The following RSPO2 variants were observed in gnomAD, a reference collection of about 807,000 sequenced individuals.
RSPO2 encodes R-spondin 2.
Under a neutral mutation model 30.9 loss-of-function variants are expected in RSPO2, and 14 were observed. That is an observed-to-expected ratio of 0.45 (90% confidence interval 0.30 to 0.71). The LOEUF (loss-of-function observed/expected upper bound fraction) is 0.71. Ranked by LOEUF, RSPO2 falls within the 30% of genes least tolerant of loss-of-function variation. RSPO2 has a pLI of 0.08. For missense variants in RSPO2, 264 were observed against 301.9 expected (o/e 0.87, Z 0.93); for synonymous variants, 107 against 96.4 (o/e 1.11, Z -0.64).
At chr8:108,031,288 A>G (rs558799443) in intron 2 of RSPO2, among the ~76,000 whole-genome samples, 14 of 152,358 alleles carry the variant, frequency 9.2e-5, no homozygotes, top group African/African-American at 2.6e-4. Flanking sequence ...GATCACCATT[A>G]CACGGTGCAG....
intron 2 of RSPO2, among the ~76,000 whole-genome samples, chr8:108,073,442 T>C (rs1039203024): frequency 1.3e-5 from 2 of 152,128 alleles, no homozygotes; most frequent in African/African-American, 4.8e-5. Flanking sequence ...AATTCTAAAA[T>C]GTGCTGACAC....
intron 2 of RSPO2, among the ~76,000 whole-genome samples, chr8:108,004,751 CAT>C (rs561772101): frequency 2.6e-5 from 4 of 152,224 alleles, no homozygotes; most frequent in African/African-American, 9.6e-5. Context: ...CAAATGTATA[CAT>C]ATGATTTTCT....
intron 4 of RSPO2, among the ~76,000 whole-genome samples, chr8:107,960,116 T>G (rs1314284511): frequency 6.6e-6 from 1 of 152,162 alleles, no homozygotes; most frequent in African/African-American, 2.4e-5. Flanking sequence ...AGATATAAAA[T>G]TTATAAAATG....
At chr8:108,081,027 C>T (rs1267761682) in intron 2 of RSPO2, among the ~76,000 whole-genome samples, 1 of 152,050 alleles carries the variant, frequency 6.6e-6, no homozygotes, top group Admixed American at 6.6e-5. Flanking sequence ...ACTCTCATGG[C>T]CTTTGGGAAG....
At chr8:108,025,904 G>C (rs1361375488) in intron 2 of RSPO2, among the ~76,000 whole-genome samples, 3 of 152,168 alleles carry the variant, frequency 2.0e-5, no homozygotes. Flanking sequence ...AATCATTACA[G>C]TAATAATTAT....
intron 5 of RSPO2, among the ~76,000 whole-genome samples, chr8:107,932,014 AC>A (rs1227177200): frequency 2.0e-5 from 3 of 152,184 alleles, no homozygotes; most frequent in Non-Finnish European, 4.4e-5. Context: ...TTTTTAAAAG[AC>A]TATCTCCAAA....
rs1473271955 is a variant in RSPO2, at chr8:107,899,409, C to T, written c.*1666G>A. On this transcript the variant is annotated 3_prime_UTR_variant, in exon 6 of 6. Coordinates refer to ENST00000276659, the MANE Select transcript of RSPO2 (RefSeq NM_178565.5). ...GAAGCACTATATAAGGAGACCCCCTCCCCACTTAGTAAATGGGAAAATAGT... is the reference window on the plus strand; with the variant it reads ...GAAGCACTATATAAGGAGACCCCCTTCCCACTTAGTAAATGGGAAAATAGT... The T allele has an allele frequency of 6.6e-6, 1 of 152,382 alleles. No individual in the cohort carries two copies. Among genetic ancestry groups the T allele is most frequent in the Admixed American group, 6.6e-5 (1 of 15,254 alleles). The allele number at this position is 152,382 out of a possible 1,614,324, so 9.4% of individuals were successfully genotyped here. A position where few individuals can be genotyped will look rare whatever the true frequency, so the allele number is the denominator to read the frequency against.
At chr8:108,075,642 C>T (rs1812986365) in intron 2 of RSPO2, among the ~76,000 whole-genome samples, 1 of 151,248 alleles carries the variant, frequency 6.6e-6, no homozygotes, top group Admixed American at 6.6e-5. Context: ...GAAGAGACTT[C>T]AGAATGAGTA....
At chr8:108,017,175 C>T (rs1285132185) in intron 2 of RSPO2, among the ~76,000 whole-genome samples, 1 of 151,974 alleles carries the variant, frequency 6.6e-6, no homozygotes, top group Non-Finnish European at 1.5e-5. Flanking sequence ...CACCACCACA[C>T]CCAGCTAATT....
Position 108,072,389 on chromosome 8 carries a change from G to A in RSPO2, c.94+10156C>T, listed in dbSNP as rs551855990. On this transcript the variant is annotated intron_variant, in intron 2 of 5. Coordinates refer to ENST00000276659, the MANE Select transcript of RSPO2 (RefSeq NM_178565.5). The stretch of plus-strand genomic sequence containing the variant: ...CACCCAGGCTGGAGTGCAGTGGTGC[G>A]ATCTCGGCCCACTGCAAACTCCGCC... Among the ~76,000 whole-genome samples, 4 of 141,644 alleles carry A rather than the reference G, an allele frequency of 2.8e-5. No homozygotes were observed. In the East Asian group the frequency reaches 8.4e-4, roughly 30 times the overall value. 92.9% of individuals were successfully genotyped at this position (141,644 alleles called of 152,430 possible). A position where few individuals can be genotyped will look rare whatever the true frequency, so the allele number is the denominator to read the frequency against.
intron 2 of RSPO2, among the ~76,000 whole-genome samples, chr8:108,011,464 T>G (rs1810710957): frequency 6.6e-6 from 1 of 152,244 alleles, no homozygotes; most frequent in Non-Finnish European, 1.5e-5. Context: ...TGAACTCATA[T>G]TGCTTTAATA....
chr8:107,942,796 G>A (rs1812940770), intron 5 of RSPO2, among the ~76,000 whole-genome samples: 1 of 152,140 alleles, frequency 6.6e-6, no homozygotes, highest in Non-Finnish European at 1.5e-5. Flanking sequence ...TAAAAAAAAG[G>A]TTGTTTCATA....
chr8:107,984,066 G>C (rs1304089494), intron 3 of RSPO2: 2 of 526,336 alleles, frequency 3.8e-6, no homozygotes, highest in Non-Finnish European at 6.7e-6. Context: ...GGGTCATCCC[G>C]GAAATGCTTC....
intron 2 of RSPO2, among the ~76,000 whole-genome samples, chr8:108,057,598 A>G (rs1281884580): frequency 1.3e-5 from 2 of 152,220 alleles, no homozygotes; most frequent in African/African-American, 4.8e-5. Flanking sequence ...CAAATTTTAA[A>G]AAGCAGGAGG....
chr8:107,924,163 A>G (rs1224554524), intron 5 of RSPO2, among the ~76,000 whole-genome samples: 1 of 152,094 alleles, frequency 6.6e-6, no homozygotes, highest in Admixed American at 6.6e-5. Flanking sequence ...TGAGGTTACT[A>G]CAAACAAACC....
intron 3 of RSPO2, among the ~76,000 whole-genome samples, chr8:107,971,703 G>A (rs1814005622): frequency 6.6e-6 from 1 of 152,170 alleles, no homozygotes; most frequent in African/African-American, 2.4e-5. Flanking sequence ...AGCTACAAGA[G>A]AACACTGTGA....
intron 2 of RSPO2, 183 bp from the exon 3 acceptor site, chr8:107,989,427 A>G (rs1814773199): frequency 1.9e-6 from 1 of 514,970 alleles, no homozygotes; most frequent in Non-Finnish European, 3.3e-6. Context: ...ATACACAACC[A>G]AACTTAGAAA....
intron 2 of RSPO2, among the ~76,000 whole-genome samples, chr8:108,062,445 GA>G (rs1812501559): frequency 6.6e-6 from 1 of 151,798 alleles, no homozygotes; most frequent in Non-Finnish European, 1.5e-5. Context: ...AGAAGAAATG[GA>G]TAAACTCCTG....
chr8:107,989,934 C>A (rs1814790626), intron 2 of RSPO2, among the ~76,000 whole-genome samples: 1 of 152,114 alleles, frequency 6.6e-6, no homozygotes, highest in African/African-American at 2.4e-5. Flanking sequence ...ATGAACAAAT[C>A]ATATGAGCAA....
Sources: gnomAD v4.1 joint callset for allele counts (sites outside exome capture counted in the v4.1 genomes callset) on GRCh38, gnomAD v4.1.1 for gene constraint, MANE v1.5 for transcripts, NCBI Gene and HGNC (gene_info 2026-07-23, HGNC 2026-07-21) for gene names.